Variants in CDH13 observed in about 807,000 individuals in gnomAD.
CDH13 encodes cadherin 13.
CDH13 carries 24 observed loss-of-function variants against 63.8 expected under a neutral mutation model. That is an observed-to-expected ratio of 0.38 (90% CI 0.27 to 0.53). The LOEUF is 0.53. CDH13 is among the 20% of genes least tolerant of loss of function. The probability of loss-of-function intolerance (pLI) is 0.85; values close to 1 mark genes in which losing one functional copy is unlikely to be tolerated. For synonymous variants in CDH13, 503 were observed against 355.3 expected, an observed-to-expected ratio of 1.42 and a Z score of -4.67; for missense variants, 1,049 against 903.1, an observed-to-expected ratio of 1.16 and a Z score of -2.07.
chr16:83,478,159 C>CAAA (rs1215717989), intron 6 of CDH13, among the ~76,000 whole-genome samples: 11,685 of 133,978 alleles, frequency 0.087, 544 homozygotes, highest in Non-Finnish European at 0.1. Flanking sequence ...GACTCCGTCT[C>CAAA]AAAAAAAAAA....
rs1042473894 is a variant in CDH13, at chr16:83,171,514, T to C, written c.484-45831T>C. 9.1e-6 allele frequency: 14 copies of C among 1,532,810 alleles called. No individual in the cohort carries two copies. The African/African-American group carries it at 1.8e-4, about 20-fold the overall frequency. 95.0% of individuals were successfully genotyped at this position (1,532,810 alleles called of 1,614,324 possible). A position where few individuals can be genotyped will look rare whatever the true frequency, so the allele number is the denominator to read the frequency against. The stretch of plus-strand genomic sequence containing the variant: ...ATAGACTGCCCATAAATAATCTTTG[T>C]TTTTCAGATGAAGATTTGGCAAGTT... On this transcript the variant is annotated intron_variant, in intron 4 of 13. Transcript: ENST00000567109.
At chr16:82,667,081 G>C (rs2150936035) in intron 1 of CDH13, among the ~76,000 whole-genome samples, 1 of 152,226 alleles carries the variant, frequency 6.6e-6, no homozygotes, top group Admixed American at 6.5e-5. Context: ...CTTCTAGAGG[G>C]GGAATACTTT....
chr16:82,645,078 C>A lies in CDH13; in HGVS notation c.45+17941C>A, dbSNP rs544796937. ...CCAAACCCCTGAGGTTAAGGAAACT[C>A]TTGTACACAGTGGGTCTCGGGCACT... On this transcript the variant is annotated intron_variant, in intron 1 of 13. Coordinates refer to ENST00000567109, the MANE Select transcript of CDH13 (RefSeq NM_001257.5). 2.0e-5 allele frequency among the ~76,000 whole-genome samples: 3 copies of A among 152,244 alleles called. No individual in the cohort carries two copies. The East Asian group carries it at 5.8e-4, about 29-fold the overall frequency.
chr16:82,671,105 A>T (rs578140854), intron 1 of CDH13, among the ~76,000 whole-genome samples: 1 of 151,656 alleles, frequency 6.6e-6, no homozygotes, highest in South Asian at 2.1e-4. Context: ...TCATCAAGCC[A>T]GAGACTGACT....
intron 2 of CDH13, among the ~76,000 whole-genome samples, chr16:82,898,804 A>C (rs948438102): frequency 3.9e-4 from 60 of 152,320 alleles, no homozygotes; most frequent in African/African-American, 1.3e-3. Context: ...TTGGGGCTGG[A>C]ATTCTAAGTG....
At chr16:82,812,668 G>A (rs1161085299) in intron 1 of CDH13, among the ~76,000 whole-genome samples, 1 of 152,138 alleles carries the variant, frequency 6.6e-6, no homozygotes, top group Non-Finnish European at 1.5e-5. Context: ...GGGAAGAAAT[G>A]GAGATAACAG....
At chr16:82,930,106 G>A (rs1285230582) in intron 2 of CDH13, among the ~76,000 whole-genome samples, 6 of 138,844 alleles carry the variant, frequency 4.3e-5, no homozygotes, top group Admixed American at 3.9e-4. Context: ...GTGTATTGGT[G>A]CAATCTCAGC....
At chr16:82,910,155 A>C (rs899991842) in intron 2 of CDH13, among the ~76,000 whole-genome samples, 2 of 152,150 alleles carry the variant, frequency 1.3e-5, no homozygotes, top group African/African-American at 4.8e-5. Flanking sequence ...GTCTATGCTC[A>C]TCAGAATCCT....
chr16:83,390,270 A>G lies in CDH13; in HGVS notation c.781+45264A>G, dbSNP rs138468353. Among the ~76,000 whole-genome samples, 6 of 152,258 alleles carry G rather than the reference A, an allele frequency of 3.9e-5. No homozygotes were observed. The East Asian group carries it at 1.2e-3, about 29-fold the overall frequency. On this transcript the variant is annotated intron_variant, in intron 6 of 13. Coordinates refer to ENST00000567109, the MANE Select transcript of CDH13 (RefSeq NM_001257.5). ...CAGAGGTACCAGTGCTCAGAGCAGT[A>G]TCTGCTTTCCTAGTATGGCCTGTGG...
intron 5 of CDH13, among the ~76,000 whole-genome samples, chr16:83,250,644 G>A (rs796598910): frequency 1.4e-4 from 21 of 152,306 alleles, no homozygotes; most frequent in African/African-American, 3.4e-4. Flanking sequence ...AGAGTTGGTC[G>A]TGGTGGTAGA....
intron 7 of CDH13, among the ~76,000 whole-genome samples, chr16:83,519,705 G>T (rs1256472503): frequency 6.6e-6 from 1 of 152,182 alleles, no homozygotes; most frequent in Non-Finnish European, 1.5e-5. Flanking sequence ...AAGAGATAAT[G>T]AAGGATGCTC....
At position 83,031,950 on chromosome 16, in the gene CDH13, T is replaced by C. The variant is rs530736609; in HGVS notation, c.158-60T>C. 276 of 1,295,586 alleles carry C rather than the reference T, an allele frequency of 2.1e-4. 1 individual carries two copies. The South Asian group carries it at 3.5e-3, about 16-fold the overall frequency. 80.3% of individuals were successfully genotyped at this position (1,295,586 alleles called of 1,614,324 possible). A position where few individuals can be genotyped will look rare whatever the true frequency, so the allele number is the denominator to read the frequency against. On this transcript the variant is annotated intron_variant, in intron 2 of 13. Transcript: ENST00000567109. ...ATTCACACTTAATAGGTCAGAGATA[T>C]CTCAGAGATAAGCTGCCCAACCTAC...
intron 2 of CDH13, among the ~76,000 whole-genome samples, chr16:82,867,384 A>G (rs2040186321): frequency 6.6e-6 from 1 of 152,092 alleles, no homozygotes; most frequent in African/African-American, 2.4e-5. Context: ...GCTGCTGCGT[A>G]TTTGTTGCTT....
Position 83,674,522 on chromosome 16 carries a change from AG to A in CDH13, c.1284+3552del, listed in dbSNP as rs561846822. ...TGACATACGTTCTTCCTTAACTTCA[AG>A]GAAAGCTGAGAAAGTCCAAATCTGG... is the stretch of plus-strand genomic sequence containing the variant. On this transcript the variant is annotated intron_variant, in intron 9 of 13. Coordinates refer to ENST00000567109, the MANE Select transcript of CDH13 (RefSeq NM_001257.5). Among the ~76,000 whole-genome samples, 15 of 152,364 alleles carry A rather than the reference AG, an allele frequency of 9.8e-5. No individual in the cohort carries two copies. The South Asian group carries it at 3.1e-3, about 32-fold the overall frequency.
At chr16:83,243,371 T>C (rs145337352) in intron 5 of CDH13, among the ~76,000 whole-genome samples, 31 of 152,260 alleles carry the variant, frequency 2.0e-4, no homozygotes, top group Non-Finnish European at 4.1e-4. Context: ...AGAGAACTTG[T>C]GCAGGAAATT....
chr16:83,460,991 ACACG>A (rs1555552613), intron 6 of CDH13, among the ~76,000 whole-genome samples: 7 of 111,474 alleles, frequency 6.3e-5, no homozygotes, highest in South Asian at 6.7e-4. Flanking sequence ...AAACACACAC[ACACG>A]CACACACACA....
chr16:83,104,324 T>A (rs2034656238), intron 3 of CDH13, among the ~76,000 whole-genome samples: 1 of 152,140 alleles, frequency 6.6e-6, no homozygotes, highest in African/African-American at 2.4e-5. Flanking sequence ...GCATACATTA[T>A]TGTGAAGAAT....
intron 1 of CDH13, among the ~76,000 whole-genome samples, chr16:82,715,750 A>G (rs1281035684): frequency 6.6e-6 from 1 of 152,196 alleles, no homozygotes; most frequent in Non-Finnish European, 1.5e-5. Context: ...TGACAATGAC[A>G]TGCAGCACGA....
chr16:82,638,538 C>T (rs899938555), intron 1 of CDH13, among the ~76,000 whole-genome samples: 1 of 152,140 alleles, frequency 6.6e-6, no homozygotes, highest in Non-Finnish European at 1.5e-5. Flanking sequence ...ACTTTTCACC[C>T]TATGCTCCAA....
Sources: allele counts gnomAD v4.1 joint callset (sites outside exome capture counted in the v4.1 genomes callset), GRCh38; gene constraint gnomAD v4.1.1; transcripts MANE v1.5; gene names NCBI Gene and HGNC (gene_info 2026-07-23, HGNC 2026-07-21).